Variants in CPEB2 observed in about 807,000 individuals in gnomAD.
CPEB2 encodes cytoplasmic polyadenylation element binding protein 2.
In CPEB2, 56 loss-of-function variants were observed where a neutral mutation model predicts 93.6. That is an observed-to-expected ratio of 0.60 (90% CI 0.48 to 0.75). The LOEUF is 0.75. Ranked by LOEUF, CPEB2 falls within the 30% of genes least tolerant of loss-of-function variation. The pLI is 0.00. For missense variants in CPEB2, 1,579 were observed against 1,395.1 expected (o/e 1.13, Z -2.10); for synonymous variants, 764 against 586.3 (o/e 1.30, Z -4.38).
intron 3 of CPEB2, among the ~76,000 whole-genome samples, chr4:15,008,641 A>G (rs1723109777): frequency 6.6e-6 from 1 of 152,198 alleles, no homozygotes; most frequent in South Asian, 2.1e-4. Flanking sequence ...TTATAATTCT[A>G]AAACATAATA....
intron 6 of CPEB2, among the ~76,000 whole-genome samples, chr4:15,046,339 C>T (rs1727692767): frequency 6.6e-6 from 1 of 152,120 alleles, no homozygotes; most frequent in Non-Finnish European, 1.5e-5. Context: ...GATTCTTCTG[C>T]CTCAGCCTTC....
intron 5 of CPEB2, among the ~76,000 whole-genome samples, chr4:15,039,942 T>A (rs1453638856): frequency 3.3e-5 from 5 of 152,148 alleles, no homozygotes; most frequent in Non-Finnish European, 5.9e-5. Flanking sequence ...CTTCAGAGTA[T>A]CAGTTTAATG....
intron 3 of CPEB2, among the ~76,000 whole-genome samples, chr4:15,009,326 A>G (rs954629720): frequency 6.6e-6 from 1 of 152,254 alleles, no homozygotes; most frequent in Admixed American, 6.5e-5. Flanking sequence ...ATTCTAATCT[A>G]GAAGGTTAGC....
intron 3 of CPEB2, among the ~76,000 whole-genome samples, chr4:15,008,636 A>G (rs894770507): frequency 4.6e-5 from 7 of 152,314 alleles, no homozygotes; most frequent in African/African-American, 1.7e-4. Flanking sequence ...TCCTTTTATA[A>G]TTCTAAAACA....
chr4:15,065,140 AGTTT>A (rs1364211911), intron 11 of CPEB2, among the ~76,000 whole-genome samples: 2 of 152,200 alleles, frequency 1.3e-5, no homozygotes, highest in Non-Finnish European at 2.9e-5. Flanking sequence ...GGTTGTTTCT[AGTTT>A]GTTGTTGTTC....
chr4:15,058,319 TTG>T, intron 8 of CPEB2, 100 bp from the exon 9 acceptor site: 1 of 695,378 alleles, frequency 1.4e-6, no homozygotes, highest in East Asian at 2.5e-5. Context: ...ATTTGATAGT[TTG>T]TTTTTTTTTT....
chr4:15,054,374 T>A (rs1203103744), intron 8 of CPEB2, among the ~76,000 whole-genome samples, 157 bp downstream of exon 8: 1 of 152,216 alleles, frequency 6.6e-6, no homozygotes, highest in Non-Finnish European at 1.5e-5. Context: ...ATTTTCTCTG[T>A]CTAAAGCATC....
At chr4:15,032,630 A>T (rs1051987974) in intron 4 of CPEB2, among the ~76,000 whole-genome samples, 1 of 152,078 alleles carries the variant, frequency 6.6e-6, no homozygotes, top group African/African-American at 2.4e-5. Flanking sequence ...GTAATATAAG[A>T]TGTTTTCATT....
chr4:15,024,394 T>C (rs1015142162), intron 4 of CPEB2, among the ~76,000 whole-genome samples: 1 of 152,180 alleles, frequency 6.6e-6, no homozygotes, highest in African/African-American at 2.4e-5. Context: ...GATAAGTCAC[T>C]ATGGAATTAT....
At position 15,068,052 on chromosome 4, in the gene CPEB2, C is replaced by A. The variant is rs1729828255; in HGVS notation, c.*1672C>A. 1 of 152,258 alleles carries A rather than the reference C, an allele frequency of 6.6e-6. No individual in the cohort carries two copies. The highest frequency in any genetic ancestry group is 1.9e-4 in the East Asian group (1 of 5,158). The allele number at this position is 152,258 out of a possible 1,614,324, so 9.4% of individuals were successfully genotyped here. A position where few individuals can be genotyped will look rare whatever the true frequency, so the allele number is the denominator to read the frequency against. On this transcript the variant is annotated 3_prime_UTR_variant, in exon 12 of 12. Transcript: ENST00000538197. ...CCCCTATATTTTAATGTAAGAGTTACTCTGCAATCTAAGCAAAGCACCCAA... is the reference window on the plus strand; with the variant it reads ...CCCCTATATTTTAATGTAAGAGTTAATCTGCAATCTAAGCAAAGCACCCAA...
intron 11 of CPEB2, among the ~76,000 whole-genome samples, chr4:15,062,592 A>G (rs1729300214): frequency 6.6e-6 from 1 of 152,048 alleles, no homozygotes; most frequent in South Asian, 2.1e-4. Context: ...CCCCATTTCT[A>G]CAAATTAACC....
chr4:15,039,535 T>C (rs1307927998), intron 5 of CPEB2, among the ~76,000 whole-genome samples: 1 of 152,154 alleles, frequency 6.6e-6, no homozygotes, highest in Non-Finnish European at 1.5e-5. Context: ...GTTTACTGCC[T>C]TGACTTCATA....
At chr4:15,057,879 C>A (rs1728858392) in intron 8 of CPEB2, among the ~76,000 whole-genome samples, 1 of 152,124 alleles carries the variant, frequency 6.6e-6, no homozygotes, top group Non-Finnish European at 1.5e-5. Flanking sequence ...GTTTCCTCTG[C>A]TTAGGGGATT....
chr4:15,058,736 A>G (rs1432308317), intron 9 of CPEB2, among the ~76,000 whole-genome samples, 197 bp downstream of exon 9: 1 of 152,206 alleles, frequency 6.6e-6, no homozygotes, highest in African/African-American at 2.4e-5. Context: ...TCTTTTAGGA[A>G]CCAGGCCACA....
intron 7 of CPEB2, among the ~76,000 whole-genome samples, chr4:15,053,078 G>A (rs934986674): frequency 2.7e-4 from 41 of 151,422 alleles, no homozygotes; most frequent in African/African-American, 7.5e-4. Flanking sequence ...GTGCAGTGGC[G>A]CAATCTCGGC....
At chr4:15,018,987 C>T (rs1355821620) in intron 4 of CPEB2, among the ~76,000 whole-genome samples, 1 of 145,888 alleles carries the variant, frequency 6.9e-6, no homozygotes, top group Non-Finnish European at 1.5e-5. Context: ...CACACACACA[C>T]GCATATATAG....
chr4:15,009,003 G>T (rs1723151272), intron 3 of CPEB2, among the ~76,000 whole-genome samples: 1 of 152,152 alleles, frequency 6.6e-6, no homozygotes, highest in African/African-American at 2.4e-5. Flanking sequence ...TCAAAAAGCT[G>T]GGAGTTAGCC....
In CPEB2 at chr4:15,002,828, C is replaced by G. The variant is rs1379728075; in HGVS notation, c.155C>G (p.Pro52Arg). The G allele has an allele frequency of 2.0e-6, 3 of 1,535,298 alleles. No individual in the cohort carries two copies. Among genetic ancestry groups the G allele is most frequent in the Admixed American group, 2.0e-5 (1 of 50,978 alleles). Residue 52 changes from proline (P) to arginine (R), a missense_variant, in exon 1 of 12, where the codon CCG becomes CGG. Physicochemically the swap from Pro to Arg is moderately radical, Grantham distance 103. Around this residue, in one of 2 missense-constraint regions of CPEB2, gnomAD observed 1,411 missense variants for 1,056.0 expected, o/e 1.34. Transcript: ENST00000538197. Reference sequence around the variant, plus strand: ...CCCTTCGGCCCACTGTCGCCACCACCGTTGCCTGTCACCGGCTTCTTAGAG... The same window carrying G: ...CCCTTCGGCCCACTGTCGCCACCACGGTTGCCTGTCACCGGCTTCTTAGAG... ...ATPFGPLSPP[P>R]LPVTGFLEAA... is the part of the protein sequence containing the mutation.
At chr4:15,008,051 C>T (rs1353505973) in intron 2 of CPEB2, among the ~76,000 whole-genome samples, 1 of 152,006 alleles carries the variant, frequency 6.6e-6, no homozygotes, top group Admixed American at 6.6e-5. Context: ...TTTTTTGCAT[C>T]TAATTTAAAT....
Sources: gnomAD v4.1 joint callset for allele counts (sites outside exome capture counted in the v4.1 genomes callset) on GRCh38, gnomAD v4.1.1 for gene constraint, gnomAD v4.1.1 regional missense constraint, MANE v1.5 for transcripts, NCBI Gene and HGNC (gene_info 2026-07-23, HGNC 2026-07-21) for gene names.